TMEM128: variants seen among roughly 807,000 people sequenced by gnomAD.
The protein encoded by TMEM128 is transmembrane protein 128.
In TMEM128, 16 loss-of-function variants were observed where a neutral mutation model predicts 19.7. The ratio of observed to expected loss-of-function variants is 0.81; its 90% confidence interval spans 0.55 to 1.23. The LOEUF (loss-of-function observed/expected upper bound fraction) is 1.23, where lower values mean the gene tolerates loss of function less well. Ranked by LOEUF, TMEM128 falls within the 50% of genes most tolerant of loss-of-function variation. TMEM128 has a pLI of 0.00. For synonymous variants in TMEM128, 98 were observed against 75.8 expected (o/e 1.29, Z -1.52); for missense variants, 237 against 200.8 (o/e 1.18, Z -1.09).
chr4:4,242,376 G>A (rs1191854308), intron 2 of TMEM128, among the ~76,000 whole-genome samples: 1 of 151,966 alleles, frequency 6.6e-6, no homozygotes, highest in Non-Finnish European at 1.5e-5. Context: ...TATGCATGCA[G>A]TATATAAATG....
chr4:4,240,380 A>G lies in TMEM128; in HGVS notation c.339T>C (p.Asp113=). The G allele has an allele frequency of 6.2e-7, 1 of 1,614,200 alleles. No individual in the cohort carries two copies. Among genetic ancestry groups the G allele is most frequent in the Non-Finnish European group, 8.5e-7 (1 of 1,180,010 alleles). Residue 113 remains aspartate, a synonymous_variant, in exon 3 of 5, where the codon GAT becomes GAC. Transcript: ENST00000382753. The part of the protein sequence containing the change: ...LEWYCGIGEY[D]VKYPALIPIT... ...TGGGTATCAAGGCTGGATACTTGAC[A>G]TCATATTCTCCAATTCCACAATACC... is the stretch of plus-strand genomic sequence containing the variant.
rs545698128 is a variant in TMEM128 at position 4,243,316 on chromosome 4, T to C, written c.240-2837A>G. ...CCAGGATGGTCTCGATCTCCTGACCTCGTGATCCGCCCGCCTCGGCCTCCC... is the reference window on the plus strand; with the variant it reads ...CCAGGATGGTCTCGATCTCCTGACCCCGTGATCCGCCCGCCTCGGCCTCCC... On this transcript the variant is annotated intron_variant, in intron 2 of 4. Transcript: ENST00000382753. Among the ~76,000 whole-genome samples the C allele has an allele frequency of 8.0e-4, 122 of 152,194 alleles. 2 individuals are homozygous for C. The South Asian group carries it at 0.024, about 31-fold the overall frequency.
At chr4:4,247,792 C>T in intron 1 of TMEM128, 2 of 1,465,154 alleles carry the variant, frequency 1.4e-6, no homozygotes, top group Non-Finnish European at 1.8e-6. Flanking sequence ...TGAAGTGAAA[C>T]ACTGCGCACA....
At chr4:4,239,394 A>G (rs760256010) in intron 3 of TMEM128, among the ~76,000 whole-genome samples, 1 of 140,024 alleles carries the variant, frequency 7.1e-6, no homozygotes, top group Non-Finnish European at 1.7e-5. Context: ...TATATGTACC[A>G]TTATGGAAGA....
rs531363994 is a variant in TMEM128 at position 4,240,938 on chromosome 4, G to A, written c.240-459C>T. Among the ~76,000 whole-genome samples the A allele has an allele frequency of 4.6e-5, 7 of 152,312 alleles. No individual in the cohort carries two copies. In the East Asian group the frequency reaches 5.8e-4, roughly 13 times the overall value. ...ACTAAAAATACAAAATTAGCCAGGC[G>A]TGGTGGCGCAAGCCTGTAATCCAAT... On this transcript the variant is annotated intron_variant, in intron 2 of 4. Coordinates refer to ENST00000382753, the MANE Select transcript of TMEM128 (RefSeq NM_001297551.2).
At position 4,248,195 on chromosome 4, in the gene TMEM128, G is replaced by C. The variant is rs779242372; in HGVS notation, c.8C>G (p.Ser3Cys). The change falls in exon 1 of 5, where the codon TCC becomes TGC. Residue 3 changes from serine to cysteine, a missense_variant. Transcript: ENST00000382753. Reference sequence around the variant, plus strand: ...CCGGAGCTGCTGCCGGGCCCGCGAGGAGTCCATCTTGGTACCGCCCCGAAA... The same window carrying C: ...CCGGAGCTGCTGCCGGGCCCGCGAGCAGTCCATCTTGGTACCGCCCCGAAA... Reference protein sequence around the residue: MDSSRARQQLRRR... With the variant: MDCSRARQQLRRR... The C allele has an allele frequency of 3.9e-6, 6 of 1,524,734 alleles. No individual in the cohort carries two copies. Among genetic ancestry groups the C allele is most frequent in the South Asian group, 3.6e-5 (3 of 82,646 alleles). The allele number at this position is 1,524,734 out of a possible 1,614,324, so 94.5% of individuals were successfully genotyped here. A position where few individuals can be genotyped will look rare whatever the true frequency, so the allele number is the denominator to read the frequency against.
intron 1 of TMEM128, among the ~76,000 whole-genome samples, chr4:4,246,893 G>T (rs1334238611): frequency 6.6e-6 from 1 of 152,022 alleles, no homozygotes; most frequent in Admixed American, 6.6e-5. Context: ...GATTACAGGC[G>T]CCTGCCACCA....
At position 4,246,485 on chromosome 4, in the gene TMEM128, T is replaced by A. The variant is rs1018027980; in HGVS notation, c.98-142A>T. ...AAATCCTTCTGTAAAACCCTTGAGA[T>A]AGGTTTATATTTACAAAAAATAAGA... On this transcript the variant is annotated intron_variant, in intron 1 of 4. Coordinates refer to ENST00000382753, the MANE Select transcript of TMEM128 (RefSeq NM_001297551.2). The A allele has an allele frequency of 3.8e-6, 3 of 780,074 alleles. No homozygotes were observed. The Admixed American group carries it at 9.3e-5, about 24-fold the overall frequency. The allele number at this position is 780,074 out of a possible 1,614,324, so 48.3% of individuals were successfully genotyped here. A position where few individuals can be genotyped will look rare whatever the true frequency, so the allele number is the denominator to read the frequency against.
At position 4,247,665 on chromosome 4, in the gene TMEM128, T is replaced by C. The variant is rs764106395; in HGVS notation, c.97+441A>G. 1.7e-5 allele frequency: 28 copies of C among 1,614,034 alleles called. No individual in the cohort carries two copies. In the East Asian group the frequency reaches 2.0e-4, roughly 12 times the overall value. On this transcript the variant is annotated intron_variant, in intron 1 of 4. Coordinates refer to ENST00000382753, the MANE Select transcript of TMEM128 (RefSeq NM_001297551.2). ...CACTTCCCTTTGAAAATCATCCCCA[T>C]TGGTACATACGAGTCGACCTGATGT...
chr4:4,248,162 A>C lies in TMEM128; in HGVS notation c.41T>G (p.Phe14Cys), dbSNP rs1169005051. The part of the protein sequence containing the change: ...SRARQQLRRR[F>C]LLLPDAEAQL... ...GGCCTCGGCGTCCGGCAGGAGGAGG[A>C]ATCGCCGCCGGAGCTGCTGCCGGGC... is the stretch of plus-strand genomic sequence containing the variant. Residue 14 changes from phenylalanine (F) to cysteine (C), a missense_variant, in exon 1 of 5, where the codon TTC becomes TGC. By Grantham distance (205) the Phe-to-Cys change is radical. Coordinates refer to ENST00000382753, the MANE Select transcript of TMEM128 (RefSeq NM_001297551.2). The C allele has an allele frequency of 6.5e-6, 10 of 1,533,678 alleles. No homozygotes were observed. Among genetic ancestry groups the C allele is most frequent in the Non-Finnish European group, 8.8e-6 (10 of 1,141,364 alleles).
intron 4 of TMEM128, among the ~76,000 whole-genome samples, chr4:4,237,439 C>T (rs192984091): frequency 6.6e-6 from 1 of 152,168 alleles, no homozygotes; most frequent in Non-Finnish European, 1.5e-5. Context: ...CCCCAACCCC[C>T]GCCAGCCTGG....
chr4:4,245,099 C>T (rs1472211776), intron 2 of TMEM128, among the ~76,000 whole-genome samples: 1 of 152,088 alleles, frequency 6.6e-6, no homozygotes, highest in Non-Finnish European at 1.5e-5. Flanking sequence ...ATCTTCCTAC[C>T]CCCACTGGTA....
intron 3 of TMEM128, among the ~76,000 whole-genome samples, chr4:4,239,600 A>G (rs1455937315): frequency 6.6e-6 from 1 of 152,242 alleles, no homozygotes; most frequent in East Asian, 1.9e-4. Flanking sequence ...TACAAGAGCC[A>G]TGTACAAGAA....
chr4:4,245,751 GAT>G (rs965332344), intron 2 of TMEM128, among the ~76,000 whole-genome samples: 16 of 151,450 alleles, frequency 1.1e-4, no homozygotes, highest in African/African-American at 2.7e-4. Flanking sequence ...GTGATGACTT[GAT>G]ATATATATAC....
At chr4:4,247,546 T>G (rs1170332488) in intron 1 of TMEM128, 1 of 1,613,414 alleles carries the variant, frequency 6.2e-7, no homozygotes, top group African/African-American at 1.3e-5. Flanking sequence ...TTACAATTTC[T>G]ACTGAATTCT....
intron 3 of TMEM128, among the ~76,000 whole-genome samples, chr4:4,239,802 T>C (rs1717873733): frequency 6.6e-6 from 1 of 152,224 alleles, no homozygotes; most frequent in Non-Finnish European, 1.5e-5. Context: ...TGTGAAGGAA[T>C]ACACCCTGTA....
intron 2 of TMEM128, among the ~76,000 whole-genome samples, chr4:4,244,333 C>T (rs1454024673): frequency 6.6e-6 from 1 of 152,008 alleles, no homozygotes; most frequent in African/African-American, 2.4e-5. Context: ...CCAAATTAGC[C>T]AGGCATGGTG....
At chr4:4,246,445 C>G in intron 1 of TMEM128, 102 bp from the exon 2 acceptor site, 1 of 1,201,028 alleles carries the variant, frequency 8.3e-7, no homozygotes. Context: ...AAGAAACAGT[C>G]TCTCCCATGA....
chr4:4,239,516 T>G (rs1218568250), intron 3 of TMEM128, among the ~76,000 whole-genome samples: 1 of 152,180 alleles, frequency 6.6e-6, no homozygotes, highest in Non-Finnish European at 1.5e-5. Flanking sequence ...CATCCAACAA[T>G]TTTACCCCTT....
Sources: allele counts gnomAD v4.1 joint callset (sites outside exome capture counted in the v4.1 genomes callset), GRCh38; gene constraint gnomAD v4.1.1; transcripts MANE v1.5; gene names NCBI Gene and HGNC (gene_info 2026-07-23, HGNC 2026-07-21).